Variants in DPP6 observed in about 807,000 individuals in gnomAD.
DPP6 encodes A-type potassium channel modulatory protein DPP6.
A neutral mutation model predicts 122.6 loss-of-function variants in DPP6; 69 were observed. The observed-to-expected ratio is 0.56, with a 90% confidence interval of 0.46 to 0.69. DPP6 has a LOEUF of 0.69. Among genes scored for constraint, DPP6 ranks in the 30% least tolerant of loss-of-function variants. The probability of loss-of-function intolerance (pLI) is 0.00; values close to 1 mark genes in which losing one functional copy is unlikely to be tolerated. For missense variants in DPP6, 928 were observed against 1,116.9 expected (o/e 0.83, Z 2.41); for synonymous variants, 418 against 433.1 (o/e 0.97, Z 0.43).
chr7:154,530,233 C>T (rs1827736705), intron 3 of DPP6, among the ~76,000 whole-genome samples: 1 of 151,906 alleles, frequency 6.6e-6, no homozygotes, highest in South Asian at 2.1e-4. Context: ...TATCCATCTG[C>T]CCAATTTATG....
Position 154,591,430 on chromosome 7 carries a change from C to T in DPP6, c.627+24514C>T, listed in dbSNP as rs148839473. 1.0e-3 allele frequency among the ~76,000 whole-genome samples: 152 copies of T among 152,078 alleles called. 1 individual carries two copies. The highest frequency in any genetic ancestry group is 3.3e-3 in the African/African-American group (136 of 41,476). On this transcript the variant is annotated intron_variant, in intron 5 of 25. Coordinates refer to ENST00000377770, the MANE Select transcript of DPP6 (RefSeq NM_130797.4). ...AAGAAGAAAACAGCAGTAACAAGGA[C>T]GATGATGAAAACCTGCTAATTATGG...
At chr7:154,774,196 A>G (rs1796427943) in intron 10 of DPP6, among the ~76,000 whole-genome samples, 1 of 152,144 alleles carries the variant, frequency 6.6e-6, no homozygotes, top group African/African-American at 2.4e-5. Context: ...CCCAGGGACA[A>G]CTGGTCACTG....
At chr7:154,234,817 C>T (rs1299996030) in intron 1 of DPP6, among the ~76,000 whole-genome samples, 3 of 152,106 alleles carry the variant, frequency 2.0e-5, no homozygotes, top group Non-Finnish European at 4.4e-5. Context: ...TCTCCTTTCC[C>T]GTCCAGGCCT....
At chr7:154,736,559 A>G (rs1428809794) in intron 8 of DPP6, among the ~76,000 whole-genome samples, 9 of 152,240 alleles carry the variant, frequency 5.9e-5, no homozygotes, top group Admixed American at 5.2e-4. Flanking sequence ...CCCAAAAGCC[A>G]TAGTAAGCCA....
At chr7:154,176,099 T>C (rs577445347) in intron 1 of DPP6, among the ~76,000 whole-genome samples, 4 of 152,222 alleles carry the variant, frequency 2.6e-5, no homozygotes, top group African/African-American at 4.8e-5. Flanking sequence ...AGGAAATTAG[T>C]TGGCCTTTCA....
intron 1 of DPP6, among the ~76,000 whole-genome samples, chr7:153,952,075 A>G (rs1802244518): frequency 6.6e-6 from 1 of 152,146 alleles, no homozygotes; most frequent in Admixed American, 6.6e-5. Flanking sequence ...AAACTACTGA[A>G]TGAATCTCAT....
At chr7:154,800,222 AT>A (rs777926216) in intron 12 of DPP6, among the ~76,000 whole-genome samples, 2 of 152,236 alleles carry the variant, frequency 1.3e-5, no homozygotes, top group South Asian at 4.1e-4. Context: ...TAAAGGTTCC[AT>A]TTTATTGCAA....
chr7:153,830,736 T>G, the DPP6 span, among the ~76,000 whole-genome samples: 3 of 152,198 alleles, frequency 2.0e-5, no homozygotes, highest in Non-Finnish European at 2.9e-5. Context: ...TCATACCGAA[T>G]TTAATATTCT....
intron 1 of DPP6, among the ~76,000 whole-genome samples, chr7:154,239,246 C>G (rs1018767651): frequency 5.8e-4 from 88 of 152,158 alleles, no homozygotes; most frequent in Non-Finnish European, 2.6e-4. Flanking sequence ...AGAAAAATGG[C>G]AAAACAACTC....
intron 16 of DPP6, among the ~76,000 whole-genome samples, chr7:154,853,155 G>A (rs764102767): frequency 6.6e-6 from 1 of 152,080 alleles, no homozygotes; most frequent in Non-Finnish European, 1.5e-5. Flanking sequence ...AAGAAGAATC[G>A]AGAAGTCACC....
At chr7:153,927,890 A>T (rs6956712) in intron 1 of DPP6, among the ~76,000 whole-genome samples, 144,130 of 152,074 alleles carry the variant, frequency 0.95, 68,312 homozygotes, top group East Asian at 1. Context: ...TCCTTTATTA[A>T]AAACAGTAAA....
At chr7:154,115,568 G>A (rs1254220016) in intron 1 of DPP6, among the ~76,000 whole-genome samples, 3 of 152,194 alleles carry the variant, frequency 2.0e-5, no homozygotes, top group African/African-American at 7.2e-5. Context: ...CATGGGTGGG[G>A]TCTACTCCTG....
chr7:154,811,222 G>T (rs1345198822), intron 16 of DPP6, among the ~76,000 whole-genome samples: 2 of 152,138 alleles, frequency 1.3e-5, no homozygotes, highest in Non-Finnish European at 2.9e-5. Context: ...TTTCTGAAAA[G>T]GTTTAAATTT....
At chr7:153,802,056 G>A in the DPP6 span, among the ~76,000 whole-genome samples, 2 of 152,214 alleles carry the variant, frequency 1.3e-5, no homozygotes, top group South Asian at 4.1e-4. Context: ...AGATGGTTAT[G>A]TGGTGGCAAT....
chr7:154,035,286 C>A (rs1233572012), intron 1 of DPP6, among the ~76,000 whole-genome samples: 1 of 152,212 alleles, frequency 6.6e-6, no homozygotes, highest in Non-Finnish European at 1.5e-5. Flanking sequence ...GTAATGGGTT[C>A]ACTTTAAGAC....
chr7:153,969,086 A>G (rs1395087143), intron 1 of DPP6, among the ~76,000 whole-genome samples: 1 of 150,528 alleles, frequency 6.6e-6, no homozygotes, highest in Non-Finnish European at 1.5e-5. Context: ...TTTTGTGTGG[A>G]CATGTTTTTG....
At chr7:154,639,577 T>G (rs1324586906) in intron 6 of DPP6, among the ~76,000 whole-genome samples, 3 of 152,246 alleles carry the variant, frequency 2.0e-5, no homozygotes, top group Non-Finnish European at 4.4e-5. Flanking sequence ...AATATTTTAC[T>G]GCATCAGTCA....
chr7:154,278,916 T>A (rs1247548871), intron 1 of DPP6, among the ~76,000 whole-genome samples: 2 of 151,774 alleles, frequency 1.3e-5, no homozygotes, highest in African/African-American at 4.8e-5. Flanking sequence ...ATTGCATGTG[T>A]ATGTATGTGT....
intron 3 of DPP6, among the ~76,000 whole-genome samples, chr7:154,512,908 C>T (rs1259896702): frequency 6.6e-6 from 1 of 152,100 alleles, no homozygotes; most frequent in Admixed American, 6.5e-5. Flanking sequence ...TGTGGGAGAC[C>T]ATAGACTAGA....
Sources: gnomAD v4.1 joint callset for allele counts (sites outside exome capture counted in the v4.1 genomes callset) on GRCh38, gnomAD v4.1.1 for gene constraint, MANE v1.5 for transcripts, NCBI Gene and HGNC (gene_info 2026-07-23, HGNC 2026-07-21) for gene names.